Variants in ATF3 observed in about 807,000 individuals in gnomAD.
The protein encoded by ATF3 is activating transcription factor 3.
A neutral mutation model predicts 18.4 loss-of-function variants in ATF3; 10 were observed. That is an observed-to-expected ratio of 0.54 (90% CI 0.34 to 0.92). The LOEUF (loss-of-function observed/expected upper bound fraction) is 0.92. ATF3 is among the 40% of genes least tolerant of loss of function. The pLI is 0.02. For synonymous variants in ATF3, 78 were observed against 87.9 expected, an observed-to-expected ratio of 0.89 and a Z score of 0.63; for missense variants, 183 against 222.3, an observed-to-expected ratio of 0.82 and a Z score of 1.12.
intron 1 of ATF3, among the ~76,000 whole-genome samples, chr1:212,578,235 G>A (rs1664617819): frequency 6.6e-6 from 1 of 152,096 alleles, no homozygotes; most frequent in African/African-American, 2.4e-5. Context: ...TTTAAATATT[G>A]CATCACTGTC....
chr1:212,589,243 A>G (rs1281740596), intron 1 of ATF3, among the ~76,000 whole-genome samples: 1 of 152,102 alleles, frequency 6.6e-6, no homozygotes, highest in Non-Finnish European at 1.5e-5. Context: ...AAATCAACCT[A>G]CCCACAAAGC....
chr1:212,605,940 C>T (rs1256089242), upstream of ATF3, among the ~76,000 whole-genome samples: 2 of 152,202 alleles, frequency 1.3e-5, no homozygotes, highest in South Asian at 2.1e-4. Context: ...CCTTCTAAGG[C>T]GAGACAGCCA....
At chr1:212,572,260 T>A (rs1664498299) in intron 1 of ATF3, among the ~76,000 whole-genome samples, 1 of 152,166 alleles carries the variant, frequency 6.6e-6, no homozygotes, top group Non-Finnish European at 1.5e-5. Flanking sequence ...TTCACGTCTG[T>A]AATCTCAGCA....
At chr1:212,605,690 G>A (rs113848391), upstream of ATF3, among the ~76,000 whole-genome samples, 819 of 152,318 alleles carry the variant, frequency 5.4e-3, 4 homozygotes, top group Non-Finnish European at 8.5e-3. Context: ...TGGTTGCCAC[G>A]AGTGGGCTGT....
chr1:212,571,819 C>G (rs536024652), intron 1 of ATF3, among the ~76,000 whole-genome samples: 1 of 151,854 alleles, frequency 6.6e-6, no homozygotes, highest in South Asian at 2.1e-4. Flanking sequence ...TCACGCCATT[C>G]TCCTGCCTCA....
At chr1:212,569,815 C>T (rs1373021674) in intron 1 of ATF3, among the ~76,000 whole-genome samples, 1 of 151,924 alleles carries the variant, frequency 6.6e-6, no homozygotes, top group Non-Finnish European at 1.5e-5. Context: ...CTGTAATAAA[C>T]ATTATTGTAG....
intron 1 of ATF3, among the ~76,000 whole-genome samples, chr1:212,587,099 C>T (rs1036921576): frequency 1.2e-4 from 18 of 151,922 alleles, no homozygotes; most frequent in East Asian, 5.8e-4. Flanking sequence ...AGAGGGAAGG[C>T]GGGAGAAGAA....
intron 2 of ATF3, among the ~76,000 whole-genome samples, chr1:212,616,437 C>T (rs954124924): frequency 2.0e-5 from 3 of 152,104 alleles, no homozygotes; most frequent in African/African-American, 7.2e-5. Flanking sequence ...GCTGGGATTA[C>T]AGGTGCCCGC....
At chr1:212,571,127 G>A (rs1251301812) in intron 1 of ATF3, among the ~76,000 whole-genome samples, 1 of 152,190 alleles carries the variant, frequency 6.6e-6, no homozygotes, top group Non-Finnish European at 1.5e-5. Context: ...TCCACATTTG[G>A]TGTTGTCAGA....
In ATF3 at chr1:212,571,861, G is replaced by A. The variant is rs1486646300; in HGVS notation, c.-5+6378G>A. 2.0e-5 allele frequency among the ~76,000 whole-genome samples: 3 copies of A among 151,844 alleles called. No individual in the cohort carries two copies. The East Asian group carries it at 5.9e-4, about 30-fold the overall frequency. On this transcript the variant is annotated intron_variant, in intron 1 of 3. Transcript: ENST00000366981. ...TGAGTAGCTGGGACTGCAGGAGCCC[G>A]CCACCAGGCCCGGCTAATTTTTTCG...
At chr1:212,578,978 G>A (rs1664631297) in intron 1 of ATF3, among the ~76,000 whole-genome samples, 1 of 150,136 alleles carries the variant, frequency 6.7e-6, no homozygotes, top group Non-Finnish European at 1.5e-5. Flanking sequence ...ACTTCTAGGA[G>A]CTAGAGCCCC....
intron 1 of ATF3, among the ~76,000 whole-genome samples, chr1:212,593,710 C>T (rs1664933490): frequency 6.8e-6 from 1 of 146,472 alleles, no homozygotes; most frequent in Admixed American, 6.8e-5. Context: ...TAATGCACTC[C>T]AGCCTGGATG....
Position 212,602,704 on chromosome 1 carries a change from T to C in ATF3, c.-4-12314T>C, listed in dbSNP as rs1010364861. 1.3e-4 allele frequency among the ~76,000 whole-genome samples: 20 copies of C among 152,148 alleles called. 1 individual carries two copies. Among genetic ancestry groups the C allele is most frequent in the Admixed American group, 1.3e-3 (20 of 15,270 alleles). ...AGGGTGGTTACAATAATTAAAAGCA[T>C]TAACTGTACGTAAAGGGCTTAGTAC... On this transcript the variant is annotated intron_variant, in intron 1 of 3. Transcript: ENST00000366981.
chr1:212,588,626 A>AACAAC (rs1553302073), intron 1 of ATF3, among the ~76,000 whole-genome samples: 1 of 112,638 alleles, frequency 8.9e-6, no homozygotes, highest in Non-Finnish European at 2.0e-5. Context: ...TATAATGAAA[A>AACAAC]AACAACAACC....
chr1:212,565,743 C>T (rs898199354), intron 1 of ATF3, among the ~76,000 whole-genome samples: 1 of 152,122 alleles, frequency 6.6e-6, no homozygotes, highest in African/African-American at 2.4e-5. Context: ...TTACTGACCC[C>T]TCTGCAGGTT....
chr1:212,614,678 A>T (rs144399851), intron 1 of ATF3, among the ~76,000 whole-genome samples: 6 of 152,182 alleles, frequency 3.9e-5, no homozygotes, highest in East Asian at 1.9e-4. Context: ...ACTGATTTTT[A>T]AAAAATGTTC....
At chr1:212,569,512 G>A (rs1664442345) in intron 1 of ATF3, among the ~76,000 whole-genome samples, 2 of 152,214 alleles carry the variant, frequency 1.3e-5, no homozygotes, top group South Asian at 4.1e-4. Context: ...AGAAGAGAAA[G>A]GAGACAGTAG....
intron 1 of ATF3, among the ~76,000 whole-genome samples, chr1:212,598,242 C>T (rs72756370): frequency 0.13 from 20,158 of 151,926 alleles, 1,507 homozygotes; most frequent in Middle Eastern, 0.19. Context: ...CCTTATTCTA[C>T]GTATTTTGTT....
At chr1:212,602,385 C>T (rs751192093) in intron 1 of ATF3, among the ~76,000 whole-genome samples, 10 of 152,268 alleles carry the variant, frequency 6.6e-5, no homozygotes, top group East Asian at 1.9e-4. Flanking sequence ...AGGTTCCTTT[C>T]GGTATGAGAA....
Sources: gnomAD v4.1 joint callset for allele counts (sites outside exome capture counted in the v4.1 genomes callset) on GRCh38, gnomAD v4.1.1 for gene constraint, MANE v1.5 for transcripts, NCBI Gene and HGNC (gene_info 2026-07-23, HGNC 2026-07-21) for gene names.